Variants in LRRC45 observed in about 807,000 individuals in gnomAD.
LRRC45 encodes leucine-rich repeat-containing protein 45.
A neutral mutation model predicts 85.4 loss-of-function variants in LRRC45; 73 were observed. The ratio of observed to expected loss-of-function variants is 0.85; its 90% CI spans 0.71 to 1.04. The LOEUF (loss-of-function observed/expected upper bound fraction) is 1.04, where lower values mean the gene tolerates loss of function less well. LRRC45 is among the 50% of genes least tolerant of loss of function. LRRC45 has a pLI of 0.00. For synonymous variants in LRRC45, 429 were observed against 386.0 expected (o/e 1.11, Z -1.31); for missense variants, 937 against 883.3 (o/e 1.06, Z -0.77).
Position 82,024,730 on chromosome 17 carries a change from GA to G in LRRC45, c.324del (p.Lys108AsnfsTer59). ...CGGGCTGCAGGGGCCGAGGCTCTGG[GA>G]AAACTCCTCCAACAGAACAAGTCCA... ...NLRAAGAEAL[G>X]KLLQQNKSIQ... On this transcript the variant is annotated frameshift_variant, in exon 3 of 17. Transcript: ENST00000306688. LOFTEE classifies it high-confidence loss of function. The G allele has an allele frequency of 1.3e-6, 2 of 1,579,014 alleles. No individual in the cohort carries two copies. Among genetic ancestry groups the G allele is most frequent in the South Asian group, 1.2e-5 (1 of 86,024 alleles).
In LRRC45 at chr17:82,023,473, AG is replaced by A; in HGVS notation, c.-170del. 1.7e-6 allele frequency: 1 copy of A among 598,504 alleles called. No individual in the cohort carries two copies. Among genetic ancestry groups the A allele is most frequent in the Non-Finnish European group, 2.9e-6 (1 of 349,928 alleles). 37.1% of individuals were successfully genotyped at this position (598,504 alleles called of 1,614,324 possible). ...CCAAAGCGGACCTTGACTACCGCCCAGCCCCGCGCTCCCAGGACCTCCCGCC... is the reference window on the plus strand; with the variant it reads ...CCAAAGCGGACCTTGACTACCGCCCACCCCGCGCTCCCAGGACCTCCCGCC... On this transcript the variant is annotated 5_prime_UTR_variant, in exon 1 of 17. Coordinates refer to ENST00000306688, the MANE Select transcript of LRRC45 (RefSeq NM_144999.4).
rs577327035 is a variant in LRRC45, at chr17:82,028,328, G to A, written c.1125+17G>A. 4.4e-6 allele frequency: 7 copies of A among 1,601,418 alleles called. No individual in the cohort carries two copies. The South Asian group carries it at 4.5e-5, about 10-fold the overall frequency. The stretch of plus-strand genomic sequence containing the variant: ...CAAAACCAGGTAGCTGTGGTGGATG[G>A]AGCCAGGGAGCCCAGGGTGGGCGCG... On this transcript the variant is annotated intron_variant, in intron 10 of 16. Coordinates refer to ENST00000306688, the MANE Select transcript of LRRC45 (RefSeq NM_144999.4).
intron 3 of LRRC45, 49 bp from the exon 4 acceptor site, chr17:82,024,951 C>T (rs1419649478): frequency 4.7e-6 from 7 of 1,483,356 alleles, no homozygotes; most frequent in East Asian, 2.5e-5. Flanking sequence ...CTGGACCCCA[C>T]GGGCTAGGCA....
chr17:82,027,329 G>A (rs2043376338), intron 6 of LRRC45, 57 bp from the exon 7 acceptor site: 3 of 1,590,388 alleles, frequency 1.9e-6, no homozygotes, highest in Non-Finnish European at 2.6e-6. Context: ...CCCCTGAGAA[G>A]GTCAGGTGGA....
At chr17:82,028,352 C>T (rs377633173) in intron 10 of LRRC45, 41 bp downstream of exon 10, 84 of 1,606,952 alleles carry the variant, frequency 5.2e-5, no homozygotes, top group Admixed American at 2.0e-4. Context: ...AGGGTGGGCG[C>T]GGCAGGGCTG....
chr17:82,029,954 T>A, intron 14 of LRRC45, 111 bp from the exon 15 acceptor site: 1 of 1,331,734 alleles, frequency 7.5e-7, no homozygotes, highest in Non-Finnish European at 1.0e-6. Flanking sequence ...AGAGTCATAG[T>A]AACTAGAGCA....
chr17:82,030,652 C>G lies in LRRC45; in HGVS notation c.1860C>G (p.Ser620Arg), dbSNP rs763431422. ...GAGAGGCGCTGCTGGACAGGGAGAGCGAGAACGCGTCTCTCCGGGAGAAGC... is the reference window on the plus strand; with the variant it reads ...GAGAGGCGCTGCTGGACAGGGAGAGGGAGAACGCGTCTCTCCGGGAGAAGC... ...DHREALLDRE[S>R]ENASLREKLR... Residue 620 changes from serine to arginine, a missense_variant, in exon 17 of 17, where the codon AGC becomes AGG. Transcript: ENST00000306688. The G allele has an allele frequency of 2.8e-5, 40 of 1,425,270 alleles. 1 individual carries two copies. In the South Asian group the frequency reaches 5.9e-4, roughly 21 times the overall value. 88.3% of individuals were successfully genotyped at this position (1,425,270 alleles called of 1,614,324 possible).
chr17:82,028,087 G>T lies in LRRC45; in HGVS notation c.988G>T (p.Glu330Ter). 6.3e-7 allele frequency: 1 copy of T among 1,587,840 alleles called. No individual in the cohort carries two copies. ...CCTGGGGGAGCTCCTGGCCACAGCG[G>T]AGCAGGAGCAGCTGAGCCTGTCACA... ...QDLGELLATA[E>*]QEQLSLSQRQ... Residue 330 changes from glutamate to a stop codon, truncating the protein, a stop_gained, in exon 9 of 17, where the codon GAG (glutamate) becomes TAG (stop). Coordinates refer to ENST00000306688, the MANE Select transcript of LRRC45 (RefSeq NM_144999.4). LOFTEE classifies it high-confidence loss of function.
rs746962778 is a variant in LRRC45, at chr17:82,028,632, G to A, written c.1257G>A (p.Lys419=). The change falls in exon 12 of 17, where the codon AAG becomes AAA. Residue 419 remains lysine, a synonymous_variant. Coordinates refer to ENST00000306688, the MANE Select transcript of LRRC45 (RefSeq NM_144999.4). ...IQAEERLDME[K]RRCRQSLEDS... ...TTCCAGAGCGCCTGGACATGGAGAAGAGAAGATGCAGACAGAGCCTGGAGG... is the reference window on the plus strand; with the variant it reads ...TTCCAGAGCGCCTGGACATGGAGAAAAGAAGATGCAGACAGAGCCTGGAGG... The A allele has an allele frequency of 1.2e-6, 2 of 1,612,814 alleles. No homozygotes were observed. Among genetic ancestry groups the A allele is most frequent in the Non-Finnish European group, 1.7e-6 (2 of 1,179,970 alleles).
intron 12 of LRRC45, 177 bp downstream of exon 12, chr17:82,028,860 G>A (rs1330692910): frequency 3.7e-6 from 3 of 801,214 alleles, no homozygotes; most frequent in Non-Finnish European, 5.9e-6. Flanking sequence ...GGCGGCGGGG[G>A]GACCCCGGCA....
intron 3 of LRRC45, 97 bp from the exon 4 acceptor site, chr17:82,024,903 G>A (rs925957078): frequency 1.9e-5 from 27 of 1,441,734 alleles, no homozygotes; most frequent in African/African-American, 4.3e-5. Flanking sequence ...CAGAGGCTCC[G>A]GCCCATCAGA....
rs777238783 is a variant in LRRC45, at chr17:82,028,030, G to A, written c.931G>A (p.Ala311Thr). ...LKAKLQMTEA[A>T]LALSEQKAQD... ...CTGCAGGCTGCAGATGACAGAGGCC[G>A]CCCTGGCTCTGTCGGAGCAGAAGGC... The change falls in exon 9 of 17, where the codon GCC becomes ACC. Residue 311 changes from alanine (A) to threonine (T), a missense_variant. Transcript: ENST00000306688. 1.3e-5 allele frequency: 21 copies of A among 1,605,916 alleles called. No individual in the cohort carries two copies. The highest frequency in any genetic ancestry group is 1.7e-5 in the Admixed American group (1 of 59,648).
chr17:82,030,861 G>A lies in LRRC45; in HGVS notation c.*56G>A. The A allele has an allele frequency of 8.1e-7, 1 of 1,240,494 alleles. No individual in the cohort carries two copies. 76.8% of individuals were successfully genotyped at this position (1,240,494 alleles called of 1,614,324 possible). ...AGTGCATCAGGCGGCGCCCGAGATGGACCAGGGGCTGCGTCCCGCCCGCGC... is the reference window on the plus strand; with the variant it reads ...AGTGCATCAGGCGGCGCCCGAGATGAACCAGGGGCTGCGTCCCGCCCGCGC... On this transcript the variant is annotated 3_prime_UTR_variant, in exon 17 of 17. Transcript: ENST00000306688.
At position 82,025,069 on chromosome 17, in the gene LRRC45, G is replaced by A. The variant is rs1443364432; in HGVS notation, c.423G>A (p.Ala141=). 8 of 1,609,616 alleles carry A rather than the reference G, an allele frequency of 5.0e-6. No individual in the cohort carries two copies. The highest frequency in any genetic ancestry group is 4.0e-5 in the African/African-American group (3 of 74,876). ...TCGCCACCTTCTGCGGGGGCCTGGC[G>A]GCCAACGGCGCCCTGCAGCGGCTGG... The part of the protein sequence containing the change: ...DAFATFCGGL[A]ANGALQRLDL... The change falls in exon 4 of 17, where the codon GCG becomes GCA. Residue 141 remains alanine (A), a synonymous_variant. Coordinates refer to ENST00000306688, the MANE Select transcript of LRRC45 (RefSeq NM_144999.4).
In LRRC45 at chr17:82,027,382, C is replaced by T; in HGVS notation, c.775-4C>T. The T allele has an allele frequency of 6.2e-7, 1 of 1,612,576 alleles. No homozygotes were observed. Among genetic ancestry groups the T allele is most frequent in the Non-Finnish European group, 8.5e-7 (1 of 1,179,938 alleles). On this transcript the variant is annotated splice_polypyrimidine_tract_variant and splice_region_variant and intron_variant, in intron 6 of 16. Transcript: ENST00000306688. ...GACAGGGCTGCGGCTGTCTCTGTCCCCAGTTCCTCGACTTGATGGAGACTA... is the reference window on the plus strand; with the variant it reads ...GACAGGGCTGCGGCTGTCTCTGTCCTCAGTTCCTCGACTTGATGGAGACTA...
At position 82,023,698 on chromosome 17, in the gene LRRC45, C is replaced by T; in HGVS notation, c.55C>T (p.Pro19Ser). ...CCTGTGCAGGGAGAGTGGGGCCGAG[C>T]CCCAGGAGGCTGTCCTGCAGCAGCT... The part of the protein sequence containing the change: ...SRLCRESGAE[P>S]QEAVLQQLHQ... Residue 19 changes from proline to serine, a missense_variant, in exon 1 of 17, where the codon CCC becomes TCC. Physicochemically the swap from Pro to Ser is moderately conservative, Grantham distance 74. Transcript: ENST00000306688. The T allele has an allele frequency of 1.3e-6, 2 of 1,552,632 alleles. No individual in the cohort carries two copies. Among genetic ancestry groups the T allele is most frequent in the South Asian group, 1.2e-5 (1 of 84,966 alleles).
intron 1 of LRRC45, 109 bp from the exon 2 acceptor site, chr17:82,024,169 G>A (rs1373173101): frequency 7.8e-7 from 1 of 1,285,362 alleles, no homozygotes. Flanking sequence ...CCAGACCATC[G>A]GGACAGTTGT....
At chr17:82,028,579 G>A in intron 11 of LRRC45, 34 bp from the exon 12 acceptor site, 2 of 1,612,498 alleles carry the variant, frequency 1.2e-6, no homozygotes, top group Non-Finnish European at 1.7e-6. Flanking sequence ...CCCAGGGGAT[G>A]CTCACGCATA....
At position 82,030,895 on chromosome 17, in the gene LRRC45, T is replaced by A. The variant is rs2043415478; in HGVS notation, c.*90T>A. ...CTGCGTCCCGCCCGCGCCGCCTCTT[T>A]GAGACCCGGGTCGTCTGTTCCACGC... On this transcript the variant is annotated 3_prime_UTR_variant, in exon 17 of 17. Transcript: ENST00000306688. 1 of 1,014,398 alleles carries A rather than the reference T, an allele frequency of 9.9e-7. No homozygotes were observed. The highest frequency in any genetic ancestry group is 1.3e-6 in the Non-Finnish European group (1 of 771,094). The allele number at this position is 1,014,398 out of a possible 1,614,324, so 62.8% of individuals were successfully genotyped here.
Sources: gnomAD v4.1 joint callset for allele counts on GRCh38, gnomAD v4.1.1 for gene constraint, MANE v1.5 for transcripts, NCBI Gene and HGNC (gene_info 2026-07-23, HGNC 2026-07-21) for gene names.